ADCY8: variants seen among roughly 807,000 people sequenced by gnomAD.
ADCY8 encodes the protein adenylate cyclase 8.
In ADCY8, 51 loss-of-function variants were observed where a neutral mutation model predicts 119.7. The observed-to-expected ratio is 0.43, with a 90% CI of 0.34 to 0.54. The LOEUF (loss-of-function observed/expected upper bound fraction) is 0.54. Ranked by LOEUF, ADCY8 falls within the 20% of genes least tolerant of loss-of-function variation. The pLI, the probability that ADCY8 is intolerant of heterozygous loss-of-function variation, is 0.03. For synonymous variants in ADCY8, 665 were observed against 651.0 expected, an observed-to-expected ratio of 1.02 and a Z score of -0.33; for missense variants, 1,383 against 1,598.8, an observed-to-expected ratio of 0.87 and a Z score of 2.30.
intron 3 of ADCY8, among the ~76,000 whole-genome samples, chr8:130,947,118 T>C (rs1821127789): frequency 6.6e-6 from 1 of 152,198 alleles, no homozygotes. Context: ...TTTAGCCAAC[T>C]TTTAGCCAAA....
intron 5 of ADCY8, among the ~76,000 whole-genome samples, chr8:130,917,038 G>A (rs1664911464): frequency 6.6e-6 from 1 of 152,106 alleles, no homozygotes; most frequent in Admixed American, 6.5e-5. Context: ...CCCAATTCAT[G>A]TTCTCATTTT....
chr8:130,849,488 C>T, intron 10 of ADCY8, 114 bp downstream of exon 10: 1 of 1,060,144 alleles, frequency 9.4e-7, no homozygotes, highest in South Asian at 1.5e-5. Context: ...CTGGACCAGG[C>T]ACATAAAGGT....
In ADCY8 at chr8:131,040,523, C is replaced by G; in HGVS notation, c.-190G>C. The G allele has an allele frequency of 3.6e-6, 2 of 557,606 alleles. No individual in the cohort carries two copies. The highest frequency in any genetic ancestry group is 1.9e-5 in the African/African-American group (1 of 51,440). The allele number at this position is 557,606 out of a possible 1,614,324, so 34.5% of individuals were successfully genotyped here. On this transcript the variant is annotated 5_prime_UTR_variant, in exon 1 of 18. Coordinates refer to ENST00000286355, the MANE Select transcript of ADCY8 (RefSeq NM_001115.3). Reference sequence around the variant, plus strand: ...ATACTGTGCCCAGGGGCAAAGGGCACCTGGAAGATCGCGGCGGACCTCGGC... The same window carrying G: ...ATACTGTGCCCAGGGGCAAAGGGCAGCTGGAAGATCGCGGCGGACCTCGGC...
intron 2 of ADCY8, among the ~76,000 whole-genome samples, chr8:130,967,489 T>C (rs144850656): frequency 1.3e-5 from 2 of 152,334 alleles, no homozygotes; most frequent in East Asian, 1.9e-4. Context: ...TCTCCCAGGA[T>C]TGTTTAGACT....
chr8:130,805,537 T>G (rs889284497), intron 14 of ADCY8, among the ~76,000 whole-genome samples: 2 of 151,908 alleles, frequency 1.3e-5, no homozygotes, highest in Non-Finnish European at 2.9e-5. Flanking sequence ...CTGCTGGAGG[T>G]TGGAGAAGTG....
chr8:130,973,231 A>T (rs1052390397), intron 2 of ADCY8, among the ~76,000 whole-genome samples: 1 of 152,192 alleles, frequency 6.6e-6, no homozygotes, highest in African/African-American at 2.4e-5. Flanking sequence ...AATGTGGTAG[A>T]TTGCTTGCAC....
chr8:130,883,766 A>T (rs1037011446), intron 8 of ADCY8, among the ~76,000 whole-genome samples: 3 of 152,138 alleles, frequency 2.0e-5, no homozygotes, highest in Non-Finnish European at 4.4e-5. Context: ...CCAGTTAAGC[A>T]AGGTCGGCAC....
At position 131,013,355 on chromosome 8, in the gene ADCY8, C is replaced by G. The variant is rs562372293; in HGVS notation, c.961-22813G>C. On this transcript the variant is annotated intron_variant, in intron 1 of 17. Coordinates refer to ENST00000286355, the MANE Select transcript of ADCY8 (RefSeq NM_001115.3). ...AAGGAGAGCAGGGAGGGTGATCCTACAGTGCCGTAGGGTAAGGGAAGGAGG... is the reference window on the plus strand; with the variant it reads ...AAGGAGAGCAGGGAGGGTGATCCTAGAGTGCCGTAGGGTAAGGGAAGGAGG... 3.9e-5 allele frequency among the ~76,000 whole-genome samples: 6 copies of G among 152,266 alleles called. No homozygotes were observed. In the South Asian group the frequency reaches 6.2e-4, roughly 16 times the overall value.
chr8:130,808,407 T>C (rs1299514750), intron 14 of ADCY8, among the ~76,000 whole-genome samples: 1 of 152,124 alleles, frequency 6.6e-6, no homozygotes, highest in Non-Finnish European at 1.5e-5. Context: ...CAACAACCAG[T>C]GTGCGTTTAA....
At chr8:130,961,616 TC>T (rs1322508826) in intron 2 of ADCY8, among the ~76,000 whole-genome samples, 2 of 152,122 alleles carry the variant, frequency 1.3e-5, no homozygotes, top group Non-Finnish European at 2.9e-5. Flanking sequence ...TCCTTCCACT[TC>T]CCTTCTTGTA....
chr8:130,797,905 G>A (rs925833037), intron 15 of ADCY8, among the ~76,000 whole-genome samples: 1 of 152,194 alleles, frequency 6.6e-6, no homozygotes, highest in East Asian at 1.9e-4. Context: ...CCAGGTAAGT[G>A]AGAAACAGTG....
At chr8:131,023,232 G>A (rs1296918534) in intron 1 of ADCY8, among the ~76,000 whole-genome samples, 2 of 152,196 alleles carry the variant, frequency 1.3e-5, no homozygotes, top group African/African-American at 2.4e-5. Flanking sequence ...CTGTGCCTAA[G>A]CTACTCTGAA....
intron 3 of ADCY8, among the ~76,000 whole-genome samples, chr8:130,947,752 A>G (rs187787553): frequency 8.7e-4 from 132 of 152,386 alleles, no homozygotes; most frequent in Non-Finnish European, 1.2e-3. Flanking sequence ...TCCCAGACAG[A>G]CCCACAAAAT....
chr8:130,932,027 C>T (rs144928959), intron 5 of ADCY8, among the ~76,000 whole-genome samples: 1 of 152,164 alleles, frequency 6.6e-6, no homozygotes, highest in African/African-American at 2.4e-5. Context: ...CATTGTGCCT[C>T]AATCCCTGCT....
intron 5 of ADCY8, among the ~76,000 whole-genome samples, chr8:130,916,704 A>G (rs1820140119): frequency 6.6e-6 from 1 of 152,272 alleles, no homozygotes; most frequent in East Asian, 1.9e-4. Flanking sequence ...AAACAAAAGC[A>G]TGAGCGATCT....
At chr8:130,962,751 T>C (rs1821642386) in intron 2 of ADCY8, among the ~76,000 whole-genome samples, 1 of 152,216 alleles carries the variant, frequency 6.6e-6, no homozygotes, top group African/African-American at 2.4e-5. Context: ...CTGAACAGCT[T>C]CAGGAAGAGC....
At chr8:131,038,882 G>A (rs1039706513) in intron 1 of ADCY8, among the ~76,000 whole-genome samples, 1 of 152,178 alleles carries the variant, frequency 6.6e-6, no homozygotes, top group Admixed American at 6.5e-5. Context: ...ATCAGTATGT[G>A]TTTAACAAAT....
intron 8 of ADCY8, among the ~76,000 whole-genome samples, chr8:130,868,845 T>A (rs891268743): frequency 6.6e-6 from 1 of 152,184 alleles, no homozygotes; most frequent in Non-Finnish European, 1.5e-5. Context: ...CTGATTTGCA[T>A]TTCATGGTTA....
chr8:131,022,256 A>G (rs1348152914), intron 1 of ADCY8, among the ~76,000 whole-genome samples: 4 of 152,168 alleles, frequency 2.6e-5, no homozygotes, highest in African/African-American at 9.6e-5. Context: ...TAATTCTTCT[A>G]AAGCTATCCC....
Sources: allele counts gnomAD v4.1 joint callset (sites outside exome capture counted in the v4.1 genomes callset), GRCh38; gene constraint gnomAD v4.1.1; transcripts MANE v1.5; gene names NCBI Gene and HGNC (gene_info 2026-07-23, HGNC 2026-07-21).